MOV10L1: variants seen among roughly 807,000 people sequenced by gnomAD.
MOV10L1 encodes the protein RNA helicase Mov10l1.
A neutral mutation model predicts 143.8 loss-of-function variants in MOV10L1; 110 were observed. The ratio of observed to expected loss-of-function variants is 0.76; its 90% confidence interval spans 0.66 to 0.90. MOV10L1 has a LOEUF of 0.90. Ranked by LOEUF, MOV10L1 falls within the 40% of genes least tolerant of loss-of-function variation. The pLI, the probability that MOV10L1 is intolerant of heterozygous loss-of-function variation, is 0.00. For missense variants in MOV10L1, 1,406 were observed against 1,526.8 expected (o/e 0.92, Z 1.32); for synonymous variants, 593 against 581.1 (o/e 1.02, Z -0.29).
At chr22:50,123,308 G>A in intron 10 of MOV10L1, among the ~76,000 whole-genome samples, 1 of 150,688 alleles carries the variant, frequency 6.6e-6, no homozygotes, top group East Asian at 1.9e-4. Flanking sequence ...TTCAAATGTT[G>A]AACTATCCTT....
In MOV10L1 at chr22:50,114,299, A is replaced by G. The variant is rs2062107880; in HGVS notation, c.885-82A>G. ...TGTATTTGCAGTCACCACTTCCTAG[A>G]TTAGGTTTTGTGTTTTATGATAACT... is the stretch of plus-strand genomic sequence containing the variant. On this transcript the variant is annotated intron_variant, in intron 6 of 26. Transcript: ENST00000262794. The G allele has an allele frequency of 2.7e-6, 4 of 1,505,254 alleles. No homozygotes were observed. The African/African-American group carries it at 5.6e-5, about 21-fold the overall frequency. 93.2% of individuals were successfully genotyped at this position (1,505,254 alleles called of 1,614,324 possible).
intron 5 of MOV10L1, among the ~76,000 whole-genome samples, chr22:50,109,486 G>A (rs1216528478): frequency 7.1e-6 from 1 of 141,606 alleles, no homozygotes; most frequent in Non-Finnish European, 1.6e-5. Context: ...TGGCTAACAC[G>A]GTGAAACCCC....
At chr22:50,124,805 A>C (rs1340449990) in intron 10 of MOV10L1, among the ~76,000 whole-genome samples, 1 of 152,164 alleles carries the variant, frequency 6.6e-6, no homozygotes, top group Non-Finnish European at 1.5e-5. Context: ...CTTAGAAACC[A>C]TGCAGCATCC....
intron 14 of MOV10L1, 37 bp downstream of exon 14, chr22:50,134,102 C>CA (rs763878099): frequency 6.5e-7 from 1 of 1,532,904 alleles, no homozygotes. Context: ...TACATCTTCA[C>CA]AGAGTATTTT....
rs775754124 is a variant in MOV10L1, at chr22:50,144,143, C to T, written c.2405C>T (p.Ser802Phe). The change falls in exon 18 of 27, where the codon TCC becomes TTC. Residue 802 changes from serine (S) to phenylalanine (F), a missense_variant. Coordinates refer to ENST00000262794, the MANE Select transcript of MOV10L1 (RefSeq NM_018995.3). Reference protein sequence around the residue: ...PDSRILVCAPSNSAADLVCLR... With the variant: ...PDSRILVCAPFNSAADLVCLR... The stretch of plus-strand genomic sequence containing the variant: ...AGTCGGATTTTAGTCTGTGCGCCCT[C>T]CAACAGTGCTGCTGACCTCGTGTGT... 1 of 1,613,454 alleles carries T rather than the reference C, an allele frequency of 6.2e-7. No individual in the cohort carries two copies. The highest frequency in any genetic ancestry group is 8.5e-7 in the Non-Finnish European group (1 of 1,179,484).
chr22:50,150,926 G>A (rs200787228), intron 21 of MOV10L1, 27 bp downstream of exon 21: 1 of 1,613,406 alleles, frequency 6.2e-7, no homozygotes, highest in East Asian at 2.2e-5. Context: ...AGCGCGTTCA[G>A]GTCCCCAGCT....
At position 50,114,511 on chromosome 22, in the gene MOV10L1, G is replaced by A; in HGVS notation, c.1015G>A (p.Glu339Lys). ...CPVVSFVSVP[E>K]KENSSDENIN... ...CGTGGTATCTTTTGTTTCTGTTCCT[G>A]AGAAGGAGAATTCATCAGATGAAAA... Residue 339 changes from glutamate to lysine, a missense_variant, in exon 7 of 27, where the codon GAG becomes AAG. Around this residue, in one of 3 missense-constraint regions of MOV10L1, gnomAD observed 1,233 missense variants for 1,351.4 expected, o/e 0.91. Transcript: ENST00000262794. The A allele has an allele frequency of 6.2e-7, 1 of 1,614,182 alleles. No homozygotes were observed. Among genetic ancestry groups the A allele is most frequent in the Non-Finnish European group, 8.5e-7 (1 of 1,180,040 alleles).
At position 50,159,781 on chromosome 22, in the gene MOV10L1, C is replaced by A; in HGVS notation, c.3320C>A (p.Ser1107Ter). Residue 1107 changes from serine (S) to a stop codon, truncating the protein, a stop_gained, in exon 24 of 27, where the codon TCG becomes TAG. Transcript: ENST00000262794. LOFTEE classifies it high-confidence loss of function. This position sits in a 1 kb window ranked among gnomAD's most constrained non-coding sequence, Gnocchi z 4.1. ...QGQEYLVIII[S>*]TVRSNEDRFE... ...CAAGAGTATCTGGTCATCATCATTTCGACCGTAGGTATCCCTGTTCTCCGT... is the reference window on the plus strand; with the variant it reads ...CAAGAGTATCTGGTCATCATCATTTAGACCGTAGGTATCCCTGTTCTCCGT... 1 of 1,603,756 alleles carries A rather than the reference C, an allele frequency of 6.2e-7. No individual in the cohort carries two copies. The highest frequency in any genetic ancestry group is 8.5e-7 in the Non-Finnish European group (1 of 1,171,248).
chr22:50,128,537 TG>T (rs756521239), intron 13 of MOV10L1, 30 bp downstream of exon 13: 2 of 903,794 alleles, frequency 2.2e-6, no homozygotes, highest in Non-Finnish European at 3.4e-6. Context: ...TTCTTTCAAA[TG>T]TCTTTTTTTT....
Position 50,160,771 on chromosome 22 carries a change from C to T in MOV10L1, c.3408C>T (p.Ile1136=), listed in dbSNP as rs777536018. ...ACTCAAAAAGATTTAATGTTGCAAT[C>T]ACCAGACCCAAAGCTTTGCTGATAG... ...LSNSKRFNVA[I]TRPKALLIVL... Residue 1136 remains isoleucine (I), a synonymous_variant, in exon 25 of 27, where the codon ATC becomes ATT. Coordinates refer to ENST00000262794, the MANE Select transcript of MOV10L1 (RefSeq NM_018995.3). 7.4e-6 allele frequency: 12 copies of T among 1,613,948 alleles called. No individual in the cohort carries two copies. The highest frequency in any genetic ancestry group is 1.1e-5 in the South Asian group (1 of 91,062).
intron 8 of MOV10L1, among the ~76,000 whole-genome samples, chr22:50,116,330 C>G (rs2147159824): frequency 6.6e-6 from 1 of 151,672 alleles, no homozygotes; most frequent in Admixed American, 6.6e-5. Flanking sequence ...ACCTGTAGTC[C>G]CAGCTACTCA....
chr22:50,115,337 G>C (rs2062142823), intron 8 of MOV10L1, 91 bp downstream of exon 8: 1 of 1,363,120 alleles, frequency 7.3e-7, no homozygotes, highest in African/African-American at 1.5e-5. Context: ...CTTTGTGGCG[G>C]GTGGATCACC....
chr22:50,090,464 A>C (rs755660781), intron 1 of MOV10L1: 1 of 1,608,568 alleles, frequency 6.2e-7, no homozygotes, highest in African/African-American at 1.3e-5. Context: ...GCAGCTGCCA[A>C]GTCGTCTCTC....
At chr22:50,102,209 C>T (rs2061762909) in intron 3 of MOV10L1, among the ~76,000 whole-genome samples, 1 of 152,126 alleles carries the variant, frequency 6.6e-6, no homozygotes, top group African/African-American at 2.4e-5. Context: ...ATCACAAAAC[C>T]TAAGGACCAC....
chr22:50,146,447 G>A (rs375160091), intron 19 of MOV10L1, among the ~76,000 whole-genome samples: 2 of 152,104 alleles, frequency 1.3e-5, no homozygotes, highest in East Asian at 3.9e-4. Flanking sequence ...GAGGACCAAG[G>A]CACTCTCAGA....
Position 50,159,848 on chromosome 22 carries a change from G to A in MOV10L1, c.3324+63G>A. 2 of 1,142,366 alleles carry A rather than the reference G, an allele frequency of 1.8e-6. No homozygotes were observed. The highest frequency in any genetic ancestry group is 1.9e-5 in the Admixed American group (1 of 52,276). The allele number at this position is 1,142,366 out of a possible 1,614,324, so 70.8% of individuals were successfully genotyped here. On this transcript the variant is annotated intron_variant, in intron 24 of 26. Coordinates refer to ENST00000262794, the MANE Select transcript of MOV10L1 (RefSeq NM_018995.3). This position sits in a 1 kb window ranked among gnomAD's most constrained non-coding sequence, Gnocchi z 4.1. ...GTGCTTGCTGCCCTGGGGGTTCTGGGGGCTTCAGATCTAAAGGGGCAGAGG... is the reference window on the plus strand; with the variant it reads ...GTGCTTGCTGCCCTGGGGGTTCTGGAGGCTTCAGATCTAAAGGGGCAGAGG...
intron 10 of MOV10L1, among the ~76,000 whole-genome samples, chr22:50,121,634 C>A (rs565692633): frequency 6.6e-6 from 1 of 152,220 alleles, no homozygotes; most frequent in Non-Finnish European, 1.5e-5. Flanking sequence ...TCCTCTGTCC[C>A]CCAGTCACTT....
Position 50,114,879 on chromosome 22 carries a change from TG to T in MOV10L1, c.1127-232del, listed in dbSNP as rs544739150. ...GTACCTCGAAGCAGGGAAAGATTGCTGGGCGCGCCGGGGCAGGCCTTCTATC... is the reference window on the plus strand; with the variant it reads ...GTACCTCGAAGCAGGGAAAGATTGCTGGCGCGCCGGGGCAGGCCTTCTATC... On this transcript the variant is annotated intron_variant, in intron 7 of 26. Transcript: ENST00000262794. Among the ~76,000 whole-genome samples the T allele has an allele frequency of 9.6e-4, 146 of 152,336 alleles. 1 individual carries two copies. The South Asian group carries it at 0.018, about 19-fold the overall frequency.
At chr22:50,105,281 C>G (rs1285272983) in intron 3 of MOV10L1, among the ~76,000 whole-genome samples, 1 of 152,136 alleles carries the variant, frequency 6.6e-6, no homozygotes, top group Non-Finnish European at 1.5e-5. Context: ...CATAAGTGTT[C>G]AAACATTTTT....
Sources: gnomAD v4.1 joint callset for allele counts (sites outside exome capture counted in the v4.1 genomes callset) on GRCh38, gnomAD v4.1.1 for gene constraint, gnomAD v4.1.1 regional missense constraint, Gnocchi (gnomAD v3.1) non-coding constraint, MANE v1.5 for transcripts, NCBI Gene and HGNC (gene_info 2026-07-23, HGNC 2026-07-21) for gene names.